Variants in ITGA1 observed in about 807,000 individuals in gnomAD.
ITGA1 encodes the protein integrin subunit alpha 1.
In ITGA1, 85 loss-of-function variants were observed where a neutral mutation model predicts 145.9. The ratio of observed to expected loss-of-function variants is 0.58; its 90% CI spans 0.49 to 0.70. ITGA1 has a LOEUF of 0.70. Ranked by LOEUF, ITGA1 falls within the 30% of genes least tolerant of loss-of-function variation. The pLI is 0.00. For missense variants in ITGA1, 1,351 were observed against 1,418.7 expected (o/e 0.95, Z 0.77); for synonymous variants, 520 against 495.3 (o/e 1.05, Z -0.66).
At position 52,906,596 on chromosome 5, in the gene ITGA1, C is replaced by T. The variant is rs545977234; in HGVS notation, c.1455+688C>T. Among the ~76,000 whole-genome samples the T allele has an allele frequency of 4.6e-5, 7 of 152,186 alleles. No individual in the cohort carries two copies. In the South Asian group the frequency reaches 8.3e-4, roughly 18 times the overall value. ...TTAACTGAAAGAAAGATCTAACATG[C>T]TTTTTGTTGTTGTTATTTTTGAATT... On this transcript the variant is annotated intron_variant, in intron 12 of 28. Coordinates refer to ENST00000282588, the MANE Select transcript of ITGA1 (RefSeq NM_181501.2).
chr5:52,860,234 C>G (rs1198341575), intron 2 of ITGA1, among the ~76,000 whole-genome samples: 1 of 152,088 alleles, frequency 6.6e-6, no homozygotes. Flanking sequence ...CTTTTTATAT[C>G]TTGACTAAAG....
At chr5:52,950,948 A>T (rs965843682) in intron 28 of ITGA1, among the ~76,000 whole-genome samples, 30 of 152,198 alleles carry the variant, frequency 2.0e-4, no homozygotes, top group Admixed American at 1.6e-3. Flanking sequence ...GCTCATATGA[A>T]AAAGCCTGAG....
At chr5:52,886,959 A>G (rs1750061911) in intron 7 of ITGA1, among the ~76,000 whole-genome samples, 1 of 152,100 alleles carries the variant, frequency 6.6e-6, no homozygotes, top group Non-Finnish European at 1.5e-5. Context: ...TTTGTATTTT[A>G]GTAGAGACGG....
intron 8 of ITGA1, among the ~76,000 whole-genome samples, chr5:52,888,391 C>G (rs555062103): frequency 6.9e-4 from 105 of 152,236 alleles, no homozygotes; most frequent in Middle Eastern, 3.4e-3. Flanking sequence ...ATAACAAGAG[C>G]AGTGGCCATT....
intron 18 of ITGA1, among the ~76,000 whole-genome samples, chr5:52,924,187 C>T (rs1435402567): frequency 1.4e-5 from 2 of 146,120 alleles, no homozygotes. Context: ...TTGTCTTATA[C>T]ATACCAGGCA....
chr5:52,898,064 G>A (rs937836370), intron 10 of ITGA1, among the ~76,000 whole-genome samples, 175 bp from the exon 11 acceptor site: 3 of 152,084 alleles, frequency 2.0e-5, no homozygotes, highest in Admixed American at 1.3e-4. Context: ...TTCCTTTTCT[G>A]TAAAACAGGT....
intron 10 of ITGA1, 125 bp downstream of exon 10, chr5:52,897,653 A>T: frequency 1.5e-6 from 1 of 646,206 alleles, no homozygotes; most frequent in South Asian, 1.9e-5. Context: ...TATGCAGGCT[A>T]TGATGATGTT....
chr5:52,879,605 T>G (rs1202494205), intron 6 of ITGA1, among the ~76,000 whole-genome samples: 1 of 152,194 alleles, frequency 6.6e-6, no homozygotes, highest in Non-Finnish European at 1.5e-5. Flanking sequence ...GTAATAAAAA[T>G]GTTCCTCACA....
At chr5:52,825,746 C>G (rs188777732) in intron 1 of ITGA1, among the ~76,000 whole-genome samples, 1 of 152,096 alleles carries the variant, frequency 6.6e-6, no homozygotes, top group Non-Finnish European at 1.5e-5. Context: ...GGTGAAACCC[C>G]GTCTCTACTG....
At chr5:52,884,746 C>A (rs1166373595) in intron 7 of ITGA1, among the ~76,000 whole-genome samples, 1 of 152,148 alleles carries the variant, frequency 6.6e-6, no homozygotes, top group African/African-American at 2.4e-5. Flanking sequence ...CTGTTTTTCT[C>A]TTTCTATATT....
intron 12 of ITGA1, among the ~76,000 whole-genome samples, chr5:52,907,624 T>G (rs1247515689): frequency 1.3e-5 from 2 of 152,228 alleles, no homozygotes; most frequent in East Asian, 3.9e-4. Context: ...GTTTGGCTTT[T>G]AGACATGTTC....
intron 18 of ITGA1, 85 bp from the exon 19 acceptor site, chr5:52,925,193 T>A: frequency 1.0e-6 from 1 of 968,506 alleles, no homozygotes; most frequent in Admixed American, 1.9e-5. Flanking sequence ...TTTGGCTGTA[T>A]GCCATTTTTG....
intron 1 of ITGA1, chr5:52,800,797 GC>G (rs1347101408): frequency 1.2e-6 from 2 of 1,612,916 alleles, no homozygotes; most frequent in Non-Finnish European, 1.7e-6. Context: ...AGCCTGGAGC[GC>G]TGATGTGGCG....
Position 52,909,193 on chromosome 5 carries a change from T to A in ITGA1, c.1599+152T>A, listed in dbSNP as rs1473117470. On this transcript the variant is annotated intron_variant, in intron 13 of 28. Transcript: ENST00000282588. ...CTCCACCAACCCCTCAGTTTTGAAA[T>A]GACCATTTATAATTCTAATAAAGTA... 5 of 728,846 alleles carry A rather than the reference T, an allele frequency of 6.9e-6. No individual in the cohort carries two copies. In the African/African-American group the frequency reaches 7.3e-5, roughly 11 times the overall value. 45.1% of individuals were successfully genotyped at this position (728,846 alleles called of 1,614,324 possible).
intron 8 of ITGA1, among the ~76,000 whole-genome samples, chr5:52,889,115 T>TTC (rs1750102375): frequency 8.6e-6 from 1 of 116,024 alleles, no homozygotes; most frequent in Admixed American, 8.1e-5. Context: ...TCCATTTTTT[T>TTC]TTTTAAATGG....
chr5:52,948,782 G>A (rs1313926422), intron 28 of ITGA1: 1 of 152,080 alleles, frequency 6.6e-6, no homozygotes, highest in African/African-American at 2.4e-5. Flanking sequence ...TGTTACTGTT[G>A]ATTTTTTTCA....
intron 1 of ITGA1, among the ~76,000 whole-genome samples, chr5:52,805,759 A>T (rs374781579): frequency 8.0e-4 from 121 of 152,170 alleles, no homozygotes; most frequent in African/African-American, 2.8e-3. Context: ...TCCCCATCTT[A>T]ACATAGTATC....
intron 8 of ITGA1, among the ~76,000 whole-genome samples, chr5:52,889,257 A>T (rs1360572538): frequency 6.6e-6 from 1 of 151,872 alleles, no homozygotes; most frequent in Non-Finnish European, 1.5e-5. Flanking sequence ...GCACACCACC[A>T]CACTTGGCTA....
chr5:52,891,555 T>TAAAAAAAA (rs56185635), intron 8 of ITGA1, among the ~76,000 whole-genome samples: 3 of 118,880 alleles, frequency 2.5e-5, no homozygotes, highest in African/African-American at 1.0e-4. Flanking sequence ...TCATGAACAC[T>TAAAAAAAA]AAAAAAAAAA....
Sources: gnomAD v4.1 joint callset for allele counts (sites outside exome capture counted in the v4.1 genomes callset) on GRCh38, gnomAD v4.1.1 for gene constraint, MANE v1.5 for transcripts, NCBI Gene and HGNC (gene_info 2026-07-23, HGNC 2026-07-21) for gene names.